The following NDUFS4 variants were observed in gnomAD, a reference collection of about 807,000 sequenced individuals.
NDUFS4 encodes the protein NADH dehydrogenase [ubiquinone] iron-sulfur protein 4, mitochondrial.
NDUFS4 carries 28 observed loss-of-function variants against 24.3 expected under a neutral mutation model. The ratio of observed to expected loss-of-function variants is 1.15; its 90% confidence interval spans 0.85 to 1.58. The LOEUF is 1.58. Ranked by LOEUF, NDUFS4 falls within the 40% of genes most tolerant of loss-of-function variation. The probability of loss-of-function intolerance (pLI) is 0.00; values close to 1 mark genes in which losing one functional copy is unlikely to be tolerated. For synonymous variants in NDUFS4, 93 were observed against 69.7 expected (o/e 1.34, Z -1.67); for missense variants, 223 against 207.9 (o/e 1.07, Z -0.45).
chr5:53,678,496 G>A (rs918886555), intron 4 of NDUFS4, among the ~76,000 whole-genome samples: 1 of 152,082 alleles, frequency 6.6e-6, no homozygotes, highest in African/African-American at 2.4e-5. Flanking sequence ...TTCTTCTGTC[G>A]CACAGCTGAG....
intron 1 of NDUFS4, among the ~76,000 whole-genome samples, chr5:53,580,988 C>T (rs961161917): frequency 6.6e-6 from 1 of 152,064 alleles, no homozygotes; most frequent in Non-Finnish European, 1.5e-5. Context: ...CATGTGCCAC[C>T]GTGCCCGGCT....
chr5:53,627,374 G>A (rs1751262603), intron 2 of NDUFS4, among the ~76,000 whole-genome samples: 1 of 152,104 alleles, frequency 6.6e-6, no homozygotes, highest in Non-Finnish European at 1.5e-5. Flanking sequence ...GCTCCTTTTT[G>A]GTTCCATATG....
At chr5:53,617,687 T>C (rs968726478) in intron 2 of NDUFS4, among the ~76,000 whole-genome samples, 2 of 152,310 alleles carry the variant, frequency 1.3e-5, no homozygotes, top group Middle Eastern at 3.4e-3. Context: ...TAAGCACTTT[T>C]TTAAAAATTG....
At chr5:53,589,726 C>T (rs1053544769) in intron 1 of NDUFS4, among the ~76,000 whole-genome samples, 1 of 152,120 alleles carries the variant, frequency 6.6e-6, no homozygotes, top group Non-Finnish European at 1.5e-5. Context: ...AAGGCAGACC[C>T]ACCCGTAATC....
chr5:53,678,379 T>C (rs1245301127), intron 4 of NDUFS4, among the ~76,000 whole-genome samples: 1 of 152,094 alleles, frequency 6.6e-6, no homozygotes, highest in African/African-American at 2.4e-5. Context: ...GTAGTTGGGT[T>C]TGTGGCAAAT....
chr5:53,593,600 C>CTT (rs200245144), intron 1 of NDUFS4, among the ~76,000 whole-genome samples: 7 of 144,602 alleles, frequency 4.8e-5, no homozygotes, highest in Non-Finnish European at 6.1e-5. Flanking sequence ...TTATGTTGCC[C>CTT]TTTTTTTTTT....
At position 53,638,224 on chromosome 5, in the gene NDUFS4, T is replaced by A. The variant is rs1367757045; in HGVS notation, c.178-8009T>A. On this transcript the variant is annotated intron_variant, in intron 2 of 4. Coordinates refer to ENST00000296684, the MANE Select transcript of NDUFS4 (RefSeq NM_002495.4). ...TTATTATTTGACAGTTCTTCCCATA[T>A]AATTTAACTTATCAAATGAGCCTAA... 2.0e-5 allele frequency among the ~76,000 whole-genome samples: 3 copies of A among 152,168 alleles called. No individual in the cohort carries two copies. The East Asian group carries it at 5.8e-4, about 29-fold the overall frequency.
chr5:53,586,077 C>T (rs1749743707), intron 1 of NDUFS4, among the ~76,000 whole-genome samples: 1 of 151,740 alleles, frequency 6.6e-6, no homozygotes, highest in South Asian at 2.1e-4. Flanking sequence ...GTCTGTAATC[C>T]CAGCACTTTC....
chr5:53,565,973 A>G (rs959870851), intron 1 of NDUFS4, among the ~76,000 whole-genome samples: 1 of 152,014 alleles, frequency 6.6e-6, no homozygotes, highest in Admixed American at 6.6e-5. Context: ...GGAGTTCGAG[A>G]CCAGCCTGGC....
At chr5:53,656,789 C>G (rs1295048587) in intron 3 of NDUFS4, among the ~76,000 whole-genome samples, 2 of 151,994 alleles carry the variant, frequency 1.3e-5, no homozygotes, top group Non-Finnish European at 2.9e-5. Context: ...AGGAAGACAT[C>G]TTGGTGAAGG....
At chr5:53,682,151 G>A (rs1027932857) in intron 4 of NDUFS4, among the ~76,000 whole-genome samples, 1 of 151,986 alleles carries the variant, frequency 6.6e-6, no homozygotes, top group South Asian at 2.1e-4. Flanking sequence ...AATGTTATAG[G>A]GGTTGCCTAG....
intron 1 of NDUFS4, among the ~76,000 whole-genome samples, chr5:53,563,946 G>A (rs563486549): frequency 6.6e-6 from 1 of 152,316 alleles, no homozygotes; most frequent in African/African-American, 2.4e-5. Flanking sequence ...TTGATGCAGT[G>A]ATGTTTTTAT....
At chr5:53,601,344 A>C (rs1410611569) in intron 1 of NDUFS4, among the ~76,000 whole-genome samples, 1 of 152,206 alleles carries the variant, frequency 6.6e-6, no homozygotes, top group South Asian at 2.1e-4. Context: ...TATTATTACA[A>C]TTAGTTGGAG....
chr5:53,651,829 A>T (rs1268185026), intron 3 of NDUFS4, among the ~76,000 whole-genome samples: 1 of 145,512 alleles, frequency 6.9e-6, no homozygotes, highest in African/African-American at 2.6e-5. Context: ...GCTGGAGTGC[A>T]GTGGGCGATC....
At chr5:53,599,881 C>G (rs1379306039) in intron 1 of NDUFS4, among the ~76,000 whole-genome samples, 25 of 152,020 alleles carry the variant, frequency 1.6e-4, no homozygotes, top group Admixed American at 1.6e-3. Flanking sequence ...TACCATTTCA[C>G]TGATGTGACA....
At chr5:53,667,517 G>C (rs547459306) in intron 4 of NDUFS4, among the ~76,000 whole-genome samples, 4 of 151,184 alleles carry the variant, frequency 2.6e-5, no homozygotes, top group African/African-American at 7.3e-5. Context: ...GGAGGTGGGG[G>C]ATCTTTTCCA....
chr5:53,680,992 A>G (rs1740646402), intron 4 of NDUFS4, among the ~76,000 whole-genome samples: 1 of 151,976 alleles, frequency 6.6e-6, no homozygotes. Flanking sequence ...TACCCCATCT[A>G]AAGTGTTTTC....
chr5:53,631,618 G>A (rs1259548361), intron 2 of NDUFS4, among the ~76,000 whole-genome samples: 4 of 152,144 alleles, frequency 2.6e-5, no homozygotes, highest in Non-Finnish European at 5.9e-5. Context: ...AGTCAGCCTT[G>A]CTGAGCTGTG....
At chr5:53,660,604 G>A (rs568057975) in intron 4 of NDUFS4, among the ~76,000 whole-genome samples, 23 of 152,104 alleles carry the variant, frequency 1.5e-4, no homozygotes, top group African/African-American at 5.1e-4. Context: ...GAACTAGTTT[G>A]CAGTCCCACC....
Sources: allele counts gnomAD v4.1 joint callset (sites outside exome capture counted in the v4.1 genomes callset), GRCh38; gene constraint gnomAD v4.1.1; transcripts MANE v1.5; gene names NCBI Gene and HGNC (gene_info 2026-07-23, HGNC 2026-07-21).